Variants in GATA6 observed in about 807,000 individuals in gnomAD.
The protein encoded by GATA6 is GATA binding protein 6.
A neutral mutation model predicts 48.1 loss-of-function variants in GATA6; 11 were observed. That is an observed-to-expected ratio of 0.23 (90% CI 0.14 to 0.38). The LOEUF is 0.38. Ranked by LOEUF, GATA6 falls within the 10% of genes least tolerant of loss-of-function variation. The probability of loss-of-function intolerance (pLI) is 1.00; values close to 1 mark genes in which losing one functional copy is unlikely to be tolerated. For synonymous variants in GATA6, 419 were observed against 396.1 expected (o/e 1.06, Z -0.69); for missense variants, 795 against 850.3 (o/e 0.93, Z 0.81).
intron 6 of GATA6, among the ~76,000 whole-genome samples, chr18:22,190,562 T>G (rs922539104): frequency 1.1e-4 from 16 of 152,094 alleles, no homozygotes; most frequent in Non-Finnish European, 2.4e-4. Flanking sequence ...GCAAAGGGGT[T>G]AAAAAATCAT....
chr18:22,196,826 A>G (rs1248590113), intron 6 of GATA6, among the ~76,000 whole-genome samples: 1 of 152,100 alleles, frequency 6.6e-6, no homozygotes, highest in African/African-American at 2.4e-5. Context: ...TTTGCGAAGA[A>G]CTGTCAGTGA....
intron 4 of GATA6, 59 bp downstream of exon 4, chr18:22,181,637 T>G (rs897375080): frequency 6.3e-7 from 1 of 1,592,990 alleles, no homozygotes; most frequent in Admixed American, 1.7e-5. Context: ...GTATGTGATA[T>G]CAGTTACAAA....
chr18:22,171,911 C>A lies in GATA6; in HGVS notation c.767C>A (p.Ala256Glu). ...AAGPGGAGSA[A>E]AHVSARFPYS... ...GGGCCTGGCGGCGCTGGCTCAGCCG[C>A]GGCGCACGTCTCGGCGCGCTTCCCC... The change falls in exon 2 of 7, where the codon GCG becomes GAG. Residue 256 changes from alanine (A) to glutamate (E), a missense_variant. Ala to Glu is a moderately radical substitution (Grantham distance 107). This residue lies in a region of GATA6 where 591 missense variants were observed against 570.0 expected (regional missense o/e 1.04). Transcript: ENST00000269216. The surrounding 1 kb of genome is among the most constrained non-coding windows in gnomAD (Gnocchi z 7.1). The A allele has an allele frequency of 3.4e-6, 4 of 1,166,090 alleles. No individual in the cohort carries two copies. The highest frequency in any genetic ancestry group is 4.2e-6 in the Non-Finnish European group (4 of 946,274). 72.2% of individuals were successfully genotyped at this position (1,166,090 alleles called of 1,614,324 possible). A position where few individuals can be genotyped will look rare whatever the true frequency, so the allele number is the denominator to read the frequency against.
At chr18:22,181,100 T>C (rs539763232) in intron 3 of GATA6, among the ~76,000 whole-genome samples, 3 of 152,308 alleles carry the variant, frequency 2.0e-5, no homozygotes, top group East Asian at 1.9e-4. Flanking sequence ...AAACTCTAAA[T>C]TGGAGAAGAA....
At position 22,177,131 on chromosome 18, in the gene GATA6, AC is replaced by A; in HGVS notation, c.1302+13del. ...GCCGCAGAAGCGCGTGGTGAGTGTG[AC>A]CCGCCCTGCCCCTGGCTCGCGGCCG... On this transcript the variant is annotated intron_variant, in intron 3 of 6. Coordinates refer to ENST00000269216, the MANE Select transcript of GATA6 (RefSeq NM_005257.6). 6.5e-7 allele frequency: 1 copy of A among 1,543,564 alleles called. No homozygotes were observed. Among genetic ancestry groups the A allele is most frequent in the Non-Finnish European group, 8.7e-7 (1 of 1,145,130 alleles).
At chr18:22,176,785 G>A (rs1598735953) in intron 2 of GATA6, 170 bp from the exon 3 acceptor site, 2 of 738,856 alleles carry the variant, frequency 2.7e-6, no homozygotes, top group East Asian at 2.9e-5. Context: ...GAGCAATAGT[G>A]ACGAAATAAC....
intron 2 of GATA6, among the ~76,000 whole-genome samples, chr18:22,173,768 T>C (rs2033086389): frequency 6.6e-6 from 1 of 152,092 alleles, no homozygotes; most frequent in Non-Finnish European, 1.5e-5. Flanking sequence ...CAGCCTCCCG[T>C]GTAGCTGGGA....
chr18:22,200,561 A>G, intron 6 of GATA6, 95 bp from the exon 7 acceptor site: 1 of 1,507,668 alleles, frequency 6.6e-7, no homozygotes, highest in Non-Finnish European at 9.2e-7. Flanking sequence ...CCCTGGCTGC[A>G]CAGACCCGTT....
chr18:22,190,393 A>T (rs993914488), intron 6 of GATA6, among the ~76,000 whole-genome samples: 1 of 152,234 alleles, frequency 6.6e-6, no homozygotes, highest in East Asian at 1.9e-4. Flanking sequence ...TGCGATTTAA[A>T]TCCATACACA....
rs747814631 is a variant in GATA6 at position 22,171,480 on chromosome 18, G to A, written c.336G>A (p.Leu112=). 6 of 1,601,104 alleles carry A rather than the reference G, an allele frequency of 3.7e-6. No individual in the cohort carries two copies. In the Admixed American group the frequency reaches 5.0e-5, roughly 13 times the overall value. The change falls in exon 2 of 7, where the codon TTG becomes TTA. Residue 112 remains leucine (L), a synonymous_variant. Transcript: ENST00000269216. This position sits in a 1 kb window ranked among gnomAD's most constrained non-coding sequence, Gnocchi z 7.1. ...PGGNLSSWED[L]LLFTDLDQAA... ...GCAACCTGTCGAGCTGGGAGGACTT[G>A]CTGCTGTTCACTGACCTCGACCAAG... is the stretch of plus-strand genomic sequence containing the variant.
At chr18:22,188,825 TA>T (rs1214983495) in intron 6 of GATA6, among the ~76,000 whole-genome samples, 1 of 152,168 alleles carries the variant, frequency 6.6e-6, no homozygotes, top group Non-Finnish European at 1.5e-5. Flanking sequence ...TTTAGGCCTG[TA>T]CTGTAATTTC....
intron 3 of GATA6, among the ~76,000 whole-genome samples, chr18:22,179,559 A>T (rs116748742): frequency 0.031 from 4,728 of 152,308 alleles, 252 homozygotes; most frequent in African/African-American, 0.11. Flanking sequence ...TCCAAATTCC[A>T]CTGGAAACTG....
intron 6 of GATA6, among the ~76,000 whole-genome samples, chr18:22,192,455 G>A (rs1272197278): frequency 6.6e-6 from 1 of 152,138 alleles, no homozygotes; most frequent in Non-Finnish European, 1.5e-5. Context: ...GAGTTATTGT[G>A]TTAAGAAAGT....
Position 22,171,371 on chromosome 18 carries a change from G to C in GATA6, c.227G>C (p.Arg76Pro). The C allele has an allele frequency of 1.3e-6, 2 of 1,583,100 alleles. No individual in the cohort carries two copies. Among genetic ancestry groups the C allele is most frequent in the East Asian group, 2.3e-5 (1 of 44,038 alleles). Residue 76 changes from arginine (R) to proline (P), a missense_variant, in exon 2 of 7, where the codon CGC becomes CCC. Arg to Pro is a moderately radical substitution (Grantham distance 103, BLOSUM62 -2). Coordinates refer to ENST00000269216, the MANE Select transcript of GATA6 (RefSeq NM_005257.6). This position sits in a 1 kb window ranked among gnomAD's most constrained non-coding sequence, Gnocchi z 7.1. ...DTEAAAGPPA[R>P]SLLLSSYASH... Reference sequence around the variant, plus strand: ...GAGGCGGCGGCCGGACCCCCGGCCCGCTCGCTGCTGCTCAGTTCCTACGCT... The same window carrying C: ...GAGGCGGCGGCCGGACCCCCGGCCCCCTCGCTGCTGCTCAGTTCCTACGCT...
Position 22,177,120 on chromosome 18 carries a change from T to A in GATA6, c.1301T>A (p.Val434Glu). Reference sequence around the variant, plus strand: ...CCCCTCATCAAGCCGCAGAAGCGCGTGGTGAGTGTGACCCGCCCTGCCCCT... The same window carrying A: ...CCCCTCATCAAGCCGCAGAAGCGCGAGGTGAGTGTGACCCGCCCTGCCCCT... ...SRPLIKPQKR[V>E]PSSRRLGLSC... The change falls in exon 3 of 7, where the codon GTG becomes GAG. Residue 434 changes from valine (V) to glutamate (E), a missense_variant and splice_region_variant. Physicochemically the swap from Val to Glu is moderately radical, Grantham distance 121. Coordinates refer to ENST00000269216, the MANE Select transcript of GATA6 (RefSeq NM_005257.6). The A allele has an allele frequency of 1.3e-6, 2 of 1,547,278 alleles. No individual in the cohort carries two copies. The highest frequency in any genetic ancestry group is 8.7e-7 in the Non-Finnish European group (1 of 1,147,000).
intron 2 of GATA6, chr18:22,176,712 T>A: frequency 2.1e-6 from 1 of 470,694 alleles, no homozygotes; most frequent in South Asian, 2.5e-5. Flanking sequence ...CAGCACTGTC[T>A]CTTTCCCGGA....
chr18:22,182,855 T>C lies in GATA6; in HGVS notation c.1516+11T>C, dbSNP rs1019937992. 2 of 1,607,726 alleles carry C rather than the reference T, an allele frequency of 1.2e-6. No individual in the cohort carries two copies. Among genetic ancestry groups the C allele is most frequent in the Non-Finnish European group, 1.7e-6 (2 of 1,174,154 alleles). ...CAAAGACTTGCTCTGGTAAATATAC[T>C]AAAATGACGTTTGACTGTAAAGTAT... On this transcript the variant is annotated intron_variant, in intron 5 of 6. Coordinates refer to ENST00000269216, the MANE Select transcript of GATA6 (RefSeq NM_005257.6).
Position 22,202,284 on chromosome 18 carries a change from G to T in GATA6, c.*1461G>T, listed in dbSNP as rs1251482749. 6.6e-6 allele frequency: 1 copy of T among 152,122 alleles called. No homozygotes were observed. The highest frequency in any genetic ancestry group is 1.5e-5 in the Non-Finnish European group (1 of 68,010). 9.4% of individuals were successfully genotyped at this position (152,122 alleles called of 1,614,324 possible). On this transcript the variant is annotated 3_prime_UTR_variant, in exon 7 of 7. Transcript: ENST00000269216. ...ACAATGCTTAAAAATATTCCAGAAA[G>T]TTCAGATTTTTTTTCTTTGTGAATG... is the stretch of plus-strand genomic sequence containing the variant.
At chr18:22,192,425 T>TG (rs2033338497) in intron 6 of GATA6, among the ~76,000 whole-genome samples, 1 of 152,204 alleles carries the variant, frequency 6.6e-6, no homozygotes, top group South Asian at 2.1e-4. Flanking sequence ...ACTTTCTTAA[T>TG]GGGGAAATTT....
Sources: gnomAD v4.1 joint callset for allele counts (sites outside exome capture counted in the v4.1 genomes callset) on GRCh38, gnomAD v4.1.1 for gene constraint, gnomAD v4.1.1 regional missense constraint, Gnocchi (gnomAD v3.1) non-coding constraint, MANE v1.5 for transcripts, NCBI Gene and HGNC (gene_info 2026-07-23, HGNC 2026-07-21) for gene names.